The following KCNK10 variants were observed in gnomAD, a reference collection of about 807,000 sequenced individuals.
KCNK10 encodes the protein potassium channel subfamily K member 10.
In KCNK10, 25 loss-of-function variants were observed where a neutral mutation model predicts 47.7. The observed-to-expected ratio is 0.52, with a 90% CI of 0.38 to 0.73. KCNK10 has a LOEUF of 0.73. Among genes scored for constraint, KCNK10 ranks in the 30% least tolerant of loss-of-function variants. KCNK10 has a pLI of 0.00. For missense variants in KCNK10, 563 were observed against 714.5 expected (o/e 0.79, Z 2.42); for synonymous variants, 303 against 285.6 (o/e 1.06, Z -0.61).
chr14:88,198,391 C>T (rs535772540), intron 4 of KCNK10, among the ~76,000 whole-genome samples: 1 of 152,318 alleles, frequency 6.6e-6, no homozygotes, highest in South Asian at 2.1e-4. Flanking sequence ...AGCTGCTCAC[C>T]TATCCAAATT....
At chr14:88,298,604 C>T (rs780295504) in intron 1 of KCNK10, among the ~76,000 whole-genome samples, 1 of 152,178 alleles carries the variant, frequency 6.6e-6, no homozygotes. Context: ...CTTTTTCACT[C>T]CTCCAGTGCC....
chr14:88,234,141 G>T (rs28377480), intron 3 of KCNK10, among the ~76,000 whole-genome samples: 3,220 of 152,238 alleles, frequency 0.021, 117 homozygotes, highest in African/African-American at 0.074. Context: ...CTTTTTGCCC[G>T]TATACTAAAT....
At chr14:88,289,262 C>T (rs1210892962) in intron 1 of KCNK10, among the ~76,000 whole-genome samples, 1 of 152,176 alleles carries the variant, frequency 6.6e-6, no homozygotes, top group Non-Finnish European at 1.5e-5. Context: ...CTTTTAAAGT[C>T]ACCAGGTGGT....
At chr14:88,190,477 TCA>T (rs994716467) in intron 5 of KCNK10, among the ~76,000 whole-genome samples, 3 of 152,082 alleles carry the variant, frequency 2.0e-5, no homozygotes, top group African/African-American at 4.8e-5. Flanking sequence ...CTTACTTTTC[TCA>T]GTTTCTCTGT....
Position 88,272,354 on chromosome 14 carries a change from G to T in KCNK10, c.53-8803C>A, listed in dbSNP as rs190772957. Among the ~76,000 whole-genome samples the T allele has an allele frequency of 1.4e-4, 21 of 152,290 alleles. No homozygotes were observed. In the East Asian group the frequency reaches 3.5e-3, roughly 25 times the overall value. ...AGAGGTGTGGGGGACAGAAAGACAT[G>T]AAGAGAGAGTGTCAGTGCCACCGAA... is the stretch of plus-strand genomic sequence containing the variant. On this transcript the variant is annotated intron_variant, in intron 1 of 6. Transcript: ENST00000319231.
At chr14:88,239,506 G>A (rs754628655) in intron 3 of KCNK10, among the ~76,000 whole-genome samples, 4 of 152,210 alleles carry the variant, frequency 2.6e-5, no homozygotes, top group South Asian at 2.1e-4. Context: ...TATAGGGATC[G>A]AATACATGCT....
intron 4 of KCNK10, among the ~76,000 whole-genome samples, chr14:88,201,149 G>A (rs928346794): frequency 6.6e-6 from 1 of 152,280 alleles, no homozygotes; most frequent in South Asian, 2.1e-4. Flanking sequence ...TCCATTGGAG[G>A]CCTCATGGCA....
At position 88,260,309 on chromosome 14, in the gene KCNK10, T is replaced by C. The variant is rs1233669992; in HGVS notation, c.402+2893A>G. Among the ~76,000 whole-genome samples, 1 of 152,166 alleles carries C rather than the reference T, an allele frequency of 6.6e-6. No homozygotes were observed. The highest frequency in any genetic ancestry group is 1.9e-4 in the East Asian group (1 of 5,190). Reference sequence around the variant, plus strand: ...CTCTCTCTTCCTCCTGCTCCAGCCATATAGGACATGCCTGCCTCCCCTTCG... The same window carrying C: ...CTCTCTCTTCCTCCTGCTCCAGCCACATAGGACATGCCTGCCTCCCCTTCG... On this transcript the variant is annotated intron_variant, in intron 2 of 6. Transcript: ENST00000319231. The surrounding 1 kb of genome is among the most constrained non-coding windows in gnomAD (Gnocchi z 4.5).
At chr14:88,266,255 A>G (rs1039850306) in intron 1 of KCNK10, among the ~76,000 whole-genome samples, 1 of 152,204 alleles carries the variant, frequency 6.6e-6, no homozygotes, top group Non-Finnish European at 1.5e-5. Flanking sequence ...GTCAAATGGC[A>G]AACAGTTTGG....
At chr14:88,305,112 T>C (rs1329058440) in intron 1 of KCNK10, among the ~76,000 whole-genome samples, 1 of 151,696 alleles carries the variant, frequency 6.6e-6, no homozygotes, top group Non-Finnish European at 1.5e-5. Context: ...AGTGGGAGAA[T>C]CGCTTGAACC....
At chr14:88,197,508 A>G (rs1296699968) in intron 4 of KCNK10, among the ~76,000 whole-genome samples, 1 of 134,918 alleles carries the variant, frequency 7.4e-6, no homozygotes, top group Non-Finnish European at 1.6e-5. Flanking sequence ...CGGGAGGCAG[A>G]GGTTGCAGCG....
chr14:88,254,854 T>G (rs1282352774), intron 2 of KCNK10, among the ~76,000 whole-genome samples: 5 of 150,848 alleles, frequency 3.3e-5, no homozygotes, highest in Non-Finnish European at 7.4e-5. Flanking sequence ...TAATTATCTT[T>G]GTCTACTCGG....
intron 4 of KCNK10, among the ~76,000 whole-genome samples, chr14:88,206,014 T>C (rs891044008): frequency 2.0e-5 from 3 of 152,180 alleles, no homozygotes; most frequent in African/African-American, 7.2e-5. Flanking sequence ...CATAGAAAGG[T>C]ATAGTCAGAT....
chr14:88,287,240 A>G (rs1373169883), intron 1 of KCNK10, among the ~76,000 whole-genome samples: 2 of 152,222 alleles, frequency 1.3e-5, no homozygotes, highest in Non-Finnish European at 2.9e-5. Flanking sequence ...AGCAGCTAGC[A>G]TAGTGTTTGG....
chr14:88,203,056 C>T (rs1047937655), intron 4 of KCNK10, among the ~76,000 whole-genome samples: 2 of 152,180 alleles, frequency 1.3e-5, no homozygotes, highest in Non-Finnish European at 2.9e-5. Context: ...CAGGAGCAGA[C>T]ATATCTTGGA....
chr14:88,231,194 C>A (rs909139531), intron 3 of KCNK10, among the ~76,000 whole-genome samples: 21 of 152,204 alleles, frequency 1.4e-4, no homozygotes, highest in African/African-American at 4.8e-4. Context: ...GCGCGAGGAC[C>A]ATTTGAGCTA....
Position 88,298,975 on chromosome 14 carries a change from A to G in KCNK10, c.52+23772T>C, listed in dbSNP as rs191084158. Among the ~76,000 whole-genome samples the G allele has an allele frequency of 4.6e-5, 7 of 152,166 alleles. No homozygotes were observed. The East Asian group carries it at 7.7e-4, about 17-fold the overall frequency. On this transcript the variant is annotated intron_variant, in intron 1 of 6. Coordinates refer to ENST00000319231, the MANE Select transcript of KCNK10 (RefSeq NM_138317.3). ...AACACCCTCCATCACTGCCTTTTGTATGATCCCATCTTTTAAAGTTCATCT... is the reference window on the plus strand; with the variant it reads ...AACACCCTCCATCACTGCCTTTTGTGTGATCCCATCTTTTAAAGTTCATCT...
At chr14:88,263,761 T>A (rs10140259) in intron 1 of KCNK10, among the ~76,000 whole-genome samples, 1,759 of 145,366 alleles carry the variant, frequency 0.012, 29 homozygotes, top group African/African-American at 0.042. Flanking sequence ...GGTCCCAGTT[T>A]AAAAAAAAAA....
intron 1 of KCNK10, among the ~76,000 whole-genome samples, chr14:88,319,819 C>T (rs1184863514): frequency 1.3e-5 from 2 of 152,206 alleles, no homozygotes; most frequent in Admixed American, 6.5e-5. Context: ...AGCCCAGATT[C>T]TAATCTTGTC....
Sources: gnomAD v4.1 joint callset for allele counts (sites outside exome capture counted in the v4.1 genomes callset) on GRCh38, gnomAD v4.1.1 for gene constraint, Gnocchi (gnomAD v3.1) non-coding constraint, MANE v1.5 for transcripts, NCBI Gene and HGNC (gene_info 2026-07-23, HGNC 2026-07-21) for gene names.